FRMD3: variants seen among roughly 807,000 people sequenced by gnomAD.
FRMD3 encodes FERM domain-containing protein 3.
Under a neutral mutation model 70.2 loss-of-function variants are expected in FRMD3, and 33 were observed. That is an observed-to-expected ratio of 0.47 (90% CI 0.36 to 0.63). The LOEUF (loss-of-function observed/expected upper bound fraction) is 0.63. Among genes scored for constraint, FRMD3 ranks in the 20% least tolerant of loss-of-function variants. The probability of loss-of-function intolerance (pLI) is 0.00; values close to 1 mark genes in which losing one functional copy is unlikely to be tolerated. For synonymous variants in FRMD3, 279 were observed against 255.9 expected, an observed-to-expected ratio of 1.09 and a Z score of -0.86; for missense variants, 632 against 711.4, an observed-to-expected ratio of 0.89 and a Z score of 1.27.
intron 9 of FRMD3, among the ~76,000 whole-genome samples, chr9:83,310,035 C>T (rs1472135249): frequency 6.6e-6 from 1 of 152,200 alleles, no homozygotes; most frequent in African/African-American, 2.4e-5. Context: ...ATGGTCTCCG[C>T]ACAAATGCAT....
At chr9:83,251,994 G>C (rs1832449987) in intron 13 of FRMD3, among the ~76,000 whole-genome samples, 1 of 152,096 alleles carries the variant, frequency 6.6e-6, no homozygotes, top group South Asian at 2.1e-4. Context: ...AGCAAGACCT[G>C]CCACCATTCA....
At position 83,384,407 on chromosome 9, in the gene FRMD3, C is replaced by T. The variant is rs565724532; in HGVS notation, c.252+5197G>A. On this transcript the variant is annotated intron_variant, in intron 2 of 13. Transcript: ENST00000304195. ...ATGCTGTCTGGCTTCCTGGCACCAT[C>T]CCCAGAGTGAAACCTCCAATCACTG... Among the ~76,000 whole-genome samples, 4 of 152,282 alleles carry T rather than the reference C, an allele frequency of 2.6e-5. No homozygotes were observed. In the South Asian group the frequency reaches 6.2e-4, roughly 24 times the overall value.
chr9:83,427,546 T>TAA (rs1826846404), intron 1 of FRMD3, among the ~76,000 whole-genome samples: 1 of 152,214 alleles, frequency 6.6e-6, no homozygotes, highest in African/African-American at 2.4e-5. Flanking sequence ...ATTCAGTACC[T>TAA]GTTAGGTACA....
In FRMD3 at chr9:83,341,485, C is replaced by A. The variant is rs189213607; in HGVS notation, c.472+1705G>T. Among the ~76,000 whole-genome samples, 148 of 152,140 alleles carry A rather than the reference C, an allele frequency of 9.7e-4. No homozygotes were observed. In the Middle Eastern group the frequency reaches 0.01, roughly 10 times the overall value. ...AAATGCATTCTGAAATCCTCATATG[C>A]TGGTCTGTTGCTTGGATTAGTATCG... On this transcript the variant is annotated intron_variant, in intron 5 of 13. Transcript: ENST00000304195.
chr9:83,517,990 A>T (rs1829491222), intron 1 of FRMD3, among the ~76,000 whole-genome samples: 1 of 152,192 alleles, frequency 6.6e-6, no homozygotes, highest in African/African-American at 2.4e-5. Context: ...ACATATCTCA[A>T]AATAATAAGA....
At chr9:83,520,594 T>C (rs945537450) in intron 1 of FRMD3, among the ~76,000 whole-genome samples, 1 of 152,106 alleles carries the variant, frequency 6.6e-6, no homozygotes, top group Admixed American at 6.5e-5. Flanking sequence ...GTCATACCAG[T>C]CACATTGCAA....
chr9:83,282,240 G>A (rs903392985), intron 13 of FRMD3, among the ~76,000 whole-genome samples: 12 of 152,184 alleles, frequency 7.9e-5, no homozygotes, highest in Non-Finnish European at 1.8e-4. Flanking sequence ...CATTTTCTAC[G>A]AAGGCTTAGA....
chr9:83,330,185 A>T (rs1587732037), intron 6 of FRMD3, among the ~76,000 whole-genome samples: 1 of 152,036 alleles, frequency 6.6e-6, no homozygotes, highest in Non-Finnish European at 1.5e-5. Flanking sequence ...ACCAACATGG[A>T]GAAACCCCGT....
At chr9:83,303,507 G>C (rs1835002345) in intron 10 of FRMD3, among the ~76,000 whole-genome samples, 1 of 152,190 alleles carries the variant, frequency 6.6e-6, no homozygotes, top group Non-Finnish European at 1.5e-5. Context: ...AGTAGATCTG[G>C]GGAAGAGCCC....
chr9:83,349,717 G>A lies in FRMD3; in HGVS notation c.336C>T (p.Tyr112=). 1 of 1,612,428 alleles carries A rather than the reference G, an allele frequency of 6.2e-7. No homozygotes were observed. The highest frequency in any genetic ancestry group is 8.5e-7 in the Non-Finnish European group (1 of 1,178,978). ...CTTTAATCTTCAAGGGTTCATGTGGGTAGAATTTCACTCTAAAGCACATGG... is the reference window on the plus strand; with the variant it reads ...CTTTAATCTTCAAGGGTTCATGTGGATAGAATTTCACTCTAAAGCACATGG... ...PYTMCFRVKF[Y]PHEPLKIKEE... is the part of the protein sequence containing the mutation. The change falls in exon 4 of 14, where the codon TAC becomes TAT. Residue 112 remains tyrosine, a synonymous_variant. Coordinates refer to ENST00000304195, the MANE Select transcript of FRMD3 (RefSeq NM_174938.6).
intron 10 of FRMD3, among the ~76,000 whole-genome samples, chr9:83,306,537 C>T (rs1835143176): frequency 1.3e-5 from 2 of 152,170 alleles, no homozygotes; most frequent in African/African-American, 4.8e-5. Context: ...GGGTCTTCTA[C>T]CTCCTAGCTC....
intron 13 of FRMD3, among the ~76,000 whole-genome samples, chr9:83,260,038 A>C (rs759946817): frequency 1.1e-3 from 160 of 152,250 alleles, no homozygotes; most frequent in Non-Finnish European, 2.0e-3. Context: ...ATGCCACTTC[A>C]GTTCTATAGT....
At chr9:83,547,449 A>G in the FRMD3 span, among the ~76,000 whole-genome samples, 1 of 151,734 alleles carries the variant, frequency 6.6e-6, no homozygotes, top group Non-Finnish European at 1.5e-5. Context: ...TGTCCCTATC[A>G]TTATAAAATA....
At chr9:83,551,020 A>G in the FRMD3 span, among the ~76,000 whole-genome samples, 1 of 152,016 alleles carries the variant, frequency 6.6e-6, no homozygotes, top group African/African-American at 2.4e-5. Context: ...TATGTTGAAC[A>G]GAAGTGGTGA....
chr9:83,400,088 A>C lies in FRMD3; in HGVS notation c.148-10380T>G, dbSNP rs562047201. Among the ~76,000 whole-genome samples the C allele has an allele frequency of 1.0e-3, 157 of 151,406 alleles. 1 individual carries two copies. Among genetic ancestry groups the C allele is most frequent in the African/African-American group, 3.7e-3 (150 of 40,764 alleles). On this transcript the variant is annotated intron_variant, in intron 1 of 13. Coordinates refer to ENST00000304195, the MANE Select transcript of FRMD3 (RefSeq NM_174938.6). ...TGCAGATTGGGAAGGAAGAAATAAAAATTTCTTTGTCTGCAGATGACATCA... is the reference window on the plus strand; with the variant it reads ...TGCAGATTGGGAAGGAAGAAATAAACATTTCTTTGTCTGCAGATGACATCA...
intron 1 of FRMD3, among the ~76,000 whole-genome samples, chr9:83,472,106 C>T (rs1301554165): frequency 8.9e-6 from 1 of 112,964 alleles, no homozygotes; most frequent in Admixed American, 9.0e-5. Context: ...GGAAAAACTC[C>T]ATTCCCAGCC....
At chr9:83,468,713 G>A (rs1828194661) in intron 1 of FRMD3, among the ~76,000 whole-genome samples, 1 of 152,180 alleles carries the variant, frequency 6.6e-6, no homozygotes, top group South Asian at 2.1e-4. Context: ...ATTAGTAAAT[G>A]TGTCCGTGGA....
chr9:83,290,968 T>C (rs1221908052), intron 12 of FRMD3, among the ~76,000 whole-genome samples: 1 of 151,958 alleles, frequency 6.6e-6, no homozygotes, highest in East Asian at 1.9e-4. Context: ...CAGTTCCCAA[T>C]ACATCACCAG....
At chr9:83,357,617 T>A (rs1004314659) in intron 3 of FRMD3, among the ~76,000 whole-genome samples, 1 of 152,160 alleles carries the variant, frequency 6.6e-6, no homozygotes, top group South Asian at 2.1e-4. Context: ...ATTATGGCCA[T>A]TCTTGCAGTA....
Sources: gnomAD v4.1 joint callset for allele counts (sites outside exome capture counted in the v4.1 genomes callset) on GRCh38, gnomAD v4.1.1 for gene constraint, MANE v1.5 for transcripts, NCBI Gene and HGNC (gene_info 2026-07-23, HGNC 2026-07-21) for gene names.